Variants in GLDN observed in about 807,000 individuals in gnomAD.
GLDN encodes collomin.
GLDN carries 47 observed loss-of-function variants against 56.5 expected under a neutral mutation model. The ratio of observed to expected loss-of-function variants is 0.83; its 90% CI spans 0.66 to 1.06. GLDN has a LOEUF of 1.06. Ranked by LOEUF, GLDN falls within the 50% of genes least tolerant of loss-of-function variation. GLDN has a pLI of 0.00. For missense variants in GLDN, 782 were observed against 714.3 expected (o/e 1.09, Z -1.08); for synonymous variants, 332 against 278.8 (o/e 1.19, Z -1.90).
chr15:51,394,994 C>G lies in GLDN; in HGVS notation c.688+13C>G. On this transcript the variant is annotated intron_variant, in intron 5 of 9. Coordinates refer to ENST00000335449, the MANE Select transcript of GLDN (RefSeq NM_181789.4). The stretch of plus-strand genomic sequence containing the variant: ...GTGCTCCTGGCAGGTAAGAGGGGTA[C>G]GCTGTGGCTCTCTTTGAGGGCTTGT... The G allele has an allele frequency of 6.4e-7, 1 of 1,565,234 alleles. No individual in the cohort carries two copies. The highest frequency in any genetic ancestry group is 1.4e-5 in the African/African-American group (1 of 72,596).
In GLDN at chr15:51,361,790, C is replaced by T. The variant is rs140790364; in HGVS notation, c.364-15659C>T. Among the ~76,000 whole-genome samples the T allele has an allele frequency of 9.2e-5, 14 of 152,136 alleles. No individual in the cohort carries two copies. The East Asian group carries it at 1.9e-3, about 21-fold the overall frequency. On this transcript the variant is annotated intron_variant, in intron 1 of 9. Coordinates refer to ENST00000335449, the MANE Select transcript of GLDN (RefSeq NM_181789.4). Reference sequence around the variant, plus strand: ...TATGAAGAACAATAAAGTGGTTGGGCGTGATTGCGCATGCTTGTAATTCCA... The same window carrying T: ...TATGAAGAACAATAAAGTGGTTGGGTGTGATTGCGCATGCTTGTAATTCCA...
Position 51,405,405 on chromosome 15 carries a change from G to A in GLDN, c.*651G>A, listed in dbSNP as rs1472148011. 5.1e-5 allele frequency: 6 copies of A among 117,136 alleles called. No individual in the cohort carries two copies. The highest frequency in any genetic ancestry group is 8.8e-5 in the Admixed American group (1 of 11,386). 7.3% of individuals were successfully genotyped at this position (117,136 alleles called of 1,614,324 possible). On this transcript the variant is annotated 3_prime_UTR_variant, in exon 10 of 10. Coordinates refer to ENST00000335449, the MANE Select transcript of GLDN (RefSeq NM_181789.4). ...TTTTTTTTTTTTTTTTTTTCAATAA[G>A]CTATTTTTTTTCTTTTCTTATTTTA...
At chr15:51,379,494 C>A (rs1014499616) in intron 2 of GLDN, among the ~76,000 whole-genome samples, 44 of 152,328 alleles carry the variant, frequency 2.9e-4, no homozygotes, top group African/African-American at 1.0e-3. Flanking sequence ...TATGCCTAGG[C>A]AAATATCAAT....
intron 1 of GLDN, chr15:51,377,139 A>G (rs1015179840): frequency 3.3e-5 from 13 of 397,840 alleles, no homozygotes; most frequent in African/African-American, 2.4e-4. Context: ...TACAATCTGC[A>G]GTGTGGTAGG....
At chr15:51,359,161 G>C (rs1225599585) in intron 1 of GLDN, among the ~76,000 whole-genome samples, 5 of 152,156 alleles carry the variant, frequency 3.3e-5, no homozygotes, top group Non-Finnish European at 7.3e-5. Context: ...CCTCCAAGCC[G>C]TGGGAGGAGG....
chr15:51,354,324 T>C (rs2037134637), intron 1 of GLDN, among the ~76,000 whole-genome samples: 1 of 152,162 alleles, frequency 6.6e-6, no homozygotes, highest in African/African-American at 2.4e-5. Flanking sequence ...TGTTACTCAG[T>C]GGGTGAGTGT....
chr15:51,372,195 T>A (rs2037530819), intron 1 of GLDN, among the ~76,000 whole-genome samples: 1 of 152,200 alleles, frequency 6.6e-6, no homozygotes, highest in African/African-American at 2.4e-5. Flanking sequence ...CATTAATCCA[T>A]GAATGGATTA....
chr15:51,391,448 G>C (rs748874678), intron 4 of GLDN, among the ~76,000 whole-genome samples: 3 of 152,228 alleles, frequency 2.0e-5, no homozygotes, highest in Non-Finnish European at 2.9e-5. Flanking sequence ...CTAAAACTGG[G>C]TCATGTGAGA....
chr15:51,386,425 C>T (rs889644991), intron 4 of GLDN, among the ~76,000 whole-genome samples: 2 of 152,212 alleles, frequency 1.3e-5, no homozygotes, highest in Admixed American at 1.3e-4. Flanking sequence ...TCCTCACCCA[C>T]TCCTGAGCCC....
At chr15:51,390,629 C>T (rs1228613372) in intron 4 of GLDN, among the ~76,000 whole-genome samples, 2 of 152,138 alleles carry the variant, frequency 1.3e-5, no homozygotes, top group African/African-American at 4.8e-5. Flanking sequence ...GCCCCTTTCC[C>T]CCGCCTTAGC....
chr15:51,389,419 CA>C (rs1250050085), intron 4 of GLDN, among the ~76,000 whole-genome samples: 1 of 152,182 alleles, frequency 6.6e-6, no homozygotes, highest in Non-Finnish European at 1.5e-5. Context: ...ATATATCGTG[CA>C]ACAGCAGGTA....
chr15:51,369,288 ACAG>A (rs1439666786), intron 1 of GLDN, among the ~76,000 whole-genome samples: 1 of 152,270 alleles, frequency 6.6e-6, no homozygotes, highest in Non-Finnish European at 1.5e-5. Flanking sequence ...GCATATAATA[ACAG>A]CAGTTTGCAT....
intron 1 of GLDN, among the ~76,000 whole-genome samples, chr15:51,373,042 G>GCCC (rs746363919): frequency 1.1e-4 from 17 of 151,980 alleles, no homozygotes; most frequent in Non-Finnish European, 1.2e-4. Context: ...CCTCCTTTAG[G>GCCC]CCCCACCTCC....
At chr15:51,369,015 C>T (rs935927709) in intron 1 of GLDN, 1 of 152,222 alleles carries the variant, frequency 6.6e-6, no homozygotes, top group Non-Finnish European at 1.5e-5. Context: ...GCAAGACCCA[C>T]ATTCCCGTTG....
chr15:51,365,311 ATCTTT>A (rs896745229), intron 1 of GLDN, among the ~76,000 whole-genome samples: 11 of 152,150 alleles, frequency 7.2e-5, no homozygotes, highest in Middle Eastern at 6.8e-3. Flanking sequence ...GGAGCTTTTA[ATCTTT>A]TCTTTACTAA....
rs747797109 is a variant in GLDN at position 51,341,984 on chromosome 15, C to A, written c.300C>A (p.Pro100=). The change falls in exon 1 of 10, where the codon CCC becomes CCA. Residue 100 remains proline, a synonymous_variant. Coordinates refer to ENST00000335449, the MANE Select transcript of GLDN (RefSeq NM_181789.4). ...ACAAGCGCAGCCACAGCGGCGAGCCCGCGCCGCATATCCGCGCCGAGAGCC... is the reference window on the plus strand; with the variant it reads ...ACAAGCGCAGCCACAGCGGCGAGCCAGCGCCGCATATCCGCGCCGAGAGCC... ...ARNKRSHSGE[P]APHIRAESHD... The A allele has an allele frequency of 6.3e-7, 1 of 1,597,768 alleles. No homozygotes were observed. The highest frequency in any genetic ancestry group is 2.2e-5 in the East Asian group (1 of 44,808).
At chr15:51,400,297 T>A (rs2038221153) in intron 7 of GLDN, 22 bp downstream of exon 7, 1 of 1,613,976 alleles carries the variant, frequency 6.2e-7, no homozygotes, top group South Asian at 1.1e-5. Context: ...AAGCGTCCTG[T>A]CTTGAAATTC....
At chr15:51,363,932 G>T (rs2037352175) in intron 1 of GLDN, among the ~76,000 whole-genome samples, 1 of 152,096 alleles carries the variant, frequency 6.6e-6, no homozygotes, top group Non-Finnish European at 1.5e-5. Context: ...CTTCTCACTT[G>T]CATTGTCTCC....
chr15:51,404,306 C>T lies in GLDN; in HGVS notation c.1208C>T (p.Thr403Ile). The T allele has an allele frequency of 1.9e-6, 3 of 1,604,908 alleles. No individual in the cohort carries two copies. The highest frequency in any genetic ancestry group is 2.2e-5 in the South Asian group (2 of 89,104). ...RFEFGQETSQTLKLENALYFD... is the reference protein window; with the variant it reads ...RFEFGQETSQILKLENALYFD... ...GAATTTGGCCAGGAAACATCCCAAA[C>T]TCTGAAGCTTGAAAATGCCTTGTAT... is the stretch of plus-strand genomic sequence containing the variant. Residue 403 changes from threonine to isoleucine, a missense_variant, in exon 10 of 10, where the codon ACT becomes ATT. Coordinates refer to ENST00000335449, the MANE Select transcript of GLDN (RefSeq NM_181789.4).
Sources: gnomAD v4.1 joint callset for allele counts (sites outside exome capture counted in the v4.1 genomes callset) on GRCh38, gnomAD v4.1.1 for gene constraint, MANE v1.5 for transcripts, NCBI Gene and HGNC (gene_info 2026-07-23, HGNC 2026-07-21) for gene names.